The following GLIS3 variants were observed in gnomAD, a reference collection of about 807,000 sequenced individuals.
The protein encoded by GLIS3 is GLIS family zinc finger 3, also known as zinc finger protein GLIS3.
Under a neutral mutation model 78.6 loss-of-function variants are expected in GLIS3, and 53 were observed. The ratio of observed to expected loss-of-function variants is 0.67; its 90% confidence interval spans 0.54 to 0.85. GLIS3 has a LOEUF of 0.85. GLIS3 is among the 40% of genes least tolerant of loss of function. The pLI is 0.00. For synonymous variants in GLIS3, 684 were observed against 509.9 expected, an observed-to-expected ratio of 1.34 and a Z score of -4.60; for missense variants, 1,703 against 1,231.1, an observed-to-expected ratio of 1.38 and a Z score of -5.74.
intron 4 of GLIS3, among the ~76,000 whole-genome samples, chr9:3,983,246 T>A (rs1199889826): frequency 6.6e-6 from 1 of 152,216 alleles, no homozygotes; most frequent in Non-Finnish European, 1.5e-5. Context: ...CTGCCATCCA[T>A]GTAAGACATG....
At chr9:3,928,306 A>T (rs906195837) in intron 6 of GLIS3, among the ~76,000 whole-genome samples, 3 of 152,220 alleles carry the variant, frequency 2.0e-5, no homozygotes, top group Admixed American at 2.0e-4. Context: ...AAGAAAGGAA[A>T]AAAATGAGAA....
the GLIS3 span, among the ~76,000 whole-genome samples, chr9:4,433,691 A>G: frequency 6.6e-6 from 1 of 152,234 alleles, no homozygotes; most frequent in African/African-American, 2.4e-5. Flanking sequence ...AAGTGATGCA[A>G]ACCTGTTGGG....
intron 6 of GLIS3, among the ~76,000 whole-genome samples, chr9:3,904,353 G>A (rs759526925): frequency 6.6e-6 from 1 of 152,204 alleles, no homozygotes; most frequent in African/African-American, 2.4e-5. Flanking sequence ...AATAAATTCT[G>A]CCTCTGGAAT....
chr9:4,471,517 A>G, the GLIS3 span, among the ~76,000 whole-genome samples: 4 of 152,246 alleles, frequency 2.6e-5, no homozygotes, highest in Non-Finnish European at 5.9e-5. Context: ...AGGATTCCCT[A>G]TTTAATAAAT....
intron 2 of GLIS3, among the ~76,000 whole-genome samples, chr9:4,264,152 T>G (rs1443815767): frequency 6.6e-6 from 1 of 152,202 alleles, no homozygotes; most frequent in Non-Finnish European, 1.5e-5. Context: ...TCCAGATTTC[T>G]CCATCTCAGG....
chr9:4,085,818 G>T (rs572862547), intron 4 of GLIS3, among the ~76,000 whole-genome samples: 1 of 152,056 alleles, frequency 6.6e-6, no homozygotes, highest in Non-Finnish European at 1.5e-5. Context: ...TGTTCATGTC[G>T]CCTGCTTCCC....
chr9:4,313,810 A>G (rs1277073317), intron 2 of GLIS3, among the ~76,000 whole-genome samples: 1 of 151,954 alleles, frequency 6.6e-6, no homozygotes. Context: ...TCTCCCTTGC[A>G]TTTTCCACTG....
At chr9:3,993,815 C>G (rs1484312554) in intron 4 of GLIS3, among the ~76,000 whole-genome samples, 1 of 152,160 alleles carries the variant, frequency 6.6e-6, no homozygotes, top group Non-Finnish European at 1.5e-5. Flanking sequence ...TGTTGTATTA[C>G]TGCTGGTGTC....
At chr9:4,231,983 C>T (rs923430466) in intron 2 of GLIS3, among the ~76,000 whole-genome samples, 2 of 152,136 alleles carry the variant, frequency 1.3e-5, no homozygotes, top group Middle Eastern at 3.2e-3. Flanking sequence ...TTTTGGGTAA[C>T]CAGAAAGCAA....
At chr9:4,392,211 A>G in the GLIS3 span, among the ~76,000 whole-genome samples, 1 of 147,614 alleles carries the variant, frequency 6.8e-6, no homozygotes, top group East Asian at 2.1e-4. Context: ...GGACACAGGG[A>G]GGGGAACAAC....
the GLIS3 span, among the ~76,000 whole-genome samples, chr9:4,410,689 CA>C: frequency 3.5e-4 from 54 of 152,290 alleles, no homozygotes; most frequent in African/African-American, 1.1e-3. Context: ...TTTTAGTGAT[CA>C]GGGGACGTTG....
At chr9:3,954,793 C>G (rs1475295518) in intron 4 of GLIS3, among the ~76,000 whole-genome samples, 2 of 152,140 alleles carry the variant, frequency 1.3e-5, no homozygotes, top group African/African-American at 4.8e-5. Context: ...AGGATGCATT[C>G]TTTACTCATC....
intron 2 of GLIS3, among the ~76,000 whole-genome samples, chr9:4,267,921 G>C (rs551567228): frequency 1.1e-4 from 17 of 149,446 alleles, no homozygotes; most frequent in Non-Finnish European, 2.1e-4. Context: ...CCACGGATAA[G>C]TAAAAAACAG....
chr9:3,961,365 CTGATATG>C (rs1455916170), intron 4 of GLIS3, among the ~76,000 whole-genome samples: 2 of 152,154 alleles, frequency 1.3e-5, no homozygotes, highest in African/African-American at 2.4e-5. Flanking sequence ...AGGCTTGAAT[CTGATATG>C]TGACCAAAAT....
the GLIS3 span, among the ~76,000 whole-genome samples, chr9:4,420,561 C>G: frequency 1.3e-5 from 2 of 152,068 alleles, no homozygotes; most frequent in South Asian, 4.2e-4. Flanking sequence ...AGCATGTTTA[C>G]CATTTGATCT....
At chr9:4,317,195 G>A (rs538861332) in intron 2 of GLIS3, among the ~76,000 whole-genome samples, 4 of 152,158 alleles carry the variant, frequency 2.6e-5, no homozygotes, top group African/African-American at 7.2e-5. Context: ...TTTAAGTACC[G>A]GTCTTTACAT....
the GLIS3 span, among the ~76,000 whole-genome samples, chr9:4,401,571 C>CTTTTCTTTTTTTT: frequency 8.3e-6 from 1 of 120,670 alleles, no homozygotes; most frequent in African/African-American, 3.0e-5. Flanking sequence ...TCCTTTCTTT[C>CTTTTCTTTTTTTT]TTTTTTTTTT....
chr9:4,084,398 G>A (rs1828837527), intron 4 of GLIS3, among the ~76,000 whole-genome samples: 1 of 152,104 alleles, frequency 6.6e-6, no homozygotes, highest in South Asian at 2.1e-4. Context: ...TGCGCAAGGA[G>A]AGGAAAAAAT....
At chr9:4,073,692 G>A (rs1050875150) in intron 4 of GLIS3, among the ~76,000 whole-genome samples, 4 of 152,098 alleles carry the variant, frequency 2.6e-5, no homozygotes. Flanking sequence ...CCACCTACGC[G>A]GCAGTCGGAT....
Sources: gnomAD v4.1 joint callset for allele counts (sites outside exome capture counted in the v4.1 genomes callset) on GRCh38, gnomAD v4.1.1 for gene constraint, MANE v1.5 for transcripts, NCBI Gene and HGNC (gene_info 2026-07-23, HGNC 2026-07-21) for gene names.